FARP1: variants seen among roughly 807,000 people sequenced by gnomAD.
The protein encoded by FARP1 is FERM, ARH/RhoGEF and pleckstrin domain protein 1.
In FARP1, 52 loss-of-function variants were observed where a neutral mutation model predicts 128.8. The ratio of observed to expected loss-of-function variants is 0.40; its 90% CI spans 0.32 to 0.51. The LOEUF (loss-of-function observed/expected upper bound fraction) is 0.51. FARP1 is among the 20% of genes least tolerant of loss of function. The pLI, the probability that FARP1 is intolerant of heterozygous loss-of-function variation, is 0.45. For missense variants in FARP1, 1,333 were observed against 1,367.9 expected (o/e 0.97, Z 0.40); for synonymous variants, 580 against 551.8 (o/e 1.05, Z -0.72).
chr13:98,436,659 T>G (rs1333896087), intron 19 of FARP1, among the ~76,000 whole-genome samples: 1 of 152,216 alleles, frequency 6.6e-6, no homozygotes, highest in Admixed American at 6.5e-5. Context: ...ATTACAGAAC[T>G]GACCAGAAGC....
At chr13:98,364,092 A>T (rs1413133300) in intron 3 of FARP1, among the ~76,000 whole-genome samples, 1 of 152,230 alleles carries the variant, frequency 6.6e-6, no homozygotes, top group East Asian at 1.9e-4. Context: ...GATGTACATT[A>T]TTCTACTTAA....
intron 2 of FARP1, among the ~76,000 whole-genome samples, chr13:98,334,538 CATT>C (rs1566890782): frequency 6.6e-6 from 1 of 152,170 alleles, no homozygotes; most frequent in Admixed American, 6.5e-5. Context: ...TGAATTCTCA[CATT>C]AGTCTTAAAA....
At chr13:98,270,541 G>T (rs566748356) in intron 2 of FARP1, among the ~76,000 whole-genome samples, 1 of 152,262 alleles carries the variant, frequency 6.6e-6, no homozygotes, top group African/African-American at 2.4e-5. Flanking sequence ...TCCTGAGGAC[G>T]CAGCTCCCTT....
chr13:98,365,059 G>A lies in FARP1; in HGVS notation c.277-336G>A, dbSNP rs567631687. Among the ~76,000 whole-genome samples the A allele has an allele frequency of 5.3e-5, 8 of 152,176 alleles. No homozygotes were observed. The East Asian group carries it at 1.3e-3, about 26-fold the overall frequency. On this transcript the variant is annotated intron_variant, in intron 3 of 26. Coordinates refer to ENST00000319562, the MANE Select transcript of FARP1 (RefSeq NM_005766.4). ...AATAAGGAATGTACGTATTTCACTC[G>A]GCTGATAGTCACAAATGAAATCATT...
At chr13:98,414,313 C>G (rs1487558725) in intron 16 of FARP1, among the ~76,000 whole-genome samples, 1 of 152,142 alleles carries the variant, frequency 6.6e-6, no homozygotes, top group African/African-American at 2.4e-5. Context: ...GCAGCTCCAT[C>G]AGTGGGACCT....
intron 2 of FARP1, among the ~76,000 whole-genome samples, chr13:98,238,371 T>C (rs1395177073): frequency 2.0e-5 from 3 of 152,234 alleles, no homozygotes; most frequent in Non-Finnish European, 2.9e-5. Context: ...TAACATTTTC[T>C]TGTCTGTAGC....
chr13:98,379,978 A>G (rs1889828230), intron 6 of FARP1, among the ~76,000 whole-genome samples: 1 of 152,248 alleles, frequency 6.6e-6, no homozygotes, highest in African/African-American at 2.4e-5. Context: ...TTTCCAAACA[A>G]CATGAAACTT....
chr13:98,423,708 CATG>C (rs1891677735), intron 16 of FARP1, among the ~76,000 whole-genome samples: 1 of 152,176 alleles, frequency 6.6e-6, no homozygotes, highest in African/African-American at 2.4e-5. Flanking sequence ...TTCACTATAA[CATG>C]AGGGTGATAG....
intron 2 of FARP1, among the ~76,000 whole-genome samples, chr13:98,314,902 T>G (rs1886656288): frequency 1.3e-5 from 2 of 152,138 alleles, no homozygotes; most frequent in South Asian, 4.1e-4. Context: ...TTGTGTTTGC[T>G]TGGGACTCGG....
intron 1 of FARP1, among the ~76,000 whole-genome samples, chr13:98,209,157 C>T (rs1480793254): frequency 6.6e-6 from 1 of 152,046 alleles, no homozygotes; most frequent in Non-Finnish European, 1.5e-5. Flanking sequence ...TATAGGCGCC[C>T]ACCACCATGC....
rs774363097 is a variant in FARP1, at chr13:98,176,489, C to CT, written c.-24+32999dup. 2 of 1,614,098 alleles carry CT rather than the reference C, an allele frequency of 1.2e-6. No homozygotes were observed. The highest frequency in any genetic ancestry group is 2.7e-5 in the African/African-American group (2 of 74,936). On this transcript the variant is annotated intron_variant, in intron 1 of 26. Coordinates refer to ENST00000319562, the MANE Select transcript of FARP1 (RefSeq NM_005766.4). This position sits in a 1 kb window ranked among gnomAD's most constrained non-coding sequence, Gnocchi z 6.2. Reference sequence around the variant, plus strand: ...ATGAAACACCTGAATGGTATTTCCTCTTCCTCGCTTCCCACTTCATGGTTT... The same window carrying CT: ...ATGAAACACCTGAATGGTATTTCCTCTTTCCTCGCTTCCCACTTCATGGTTT...
intron 2 of FARP1, among the ~76,000 whole-genome samples, chr13:98,287,495 C>CT (rs1555334161): frequency 1.3e-5 from 2 of 151,688 alleles, no homozygotes; most frequent in African/African-American, 2.4e-5. Context: ...TCCCAAAGTG[C>CT]GGGATTACAG....
At chr13:98,224,589 T>C (rs1881643572) in intron 2 of FARP1, among the ~76,000 whole-genome samples, 1 of 150,488 alleles carries the variant, frequency 6.6e-6, no homozygotes, top group Admixed American at 6.6e-5. Flanking sequence ...GTTACTATCT[T>C]ACAGTGCTGG....
At chr13:98,418,553 G>A (rs531863728) in intron 16 of FARP1, among the ~76,000 whole-genome samples, 4 of 152,318 alleles carry the variant, frequency 2.6e-5, no homozygotes, top group East Asian at 1.9e-4. Context: ...GATTACAGGC[G>A]TTGAGCTTCC....
chr13:98,204,792 C>T (rs1880165290), intron 1 of FARP1, among the ~76,000 whole-genome samples: 1 of 152,046 alleles, frequency 6.6e-6, no homozygotes, highest in Non-Finnish European at 1.5e-5. Context: ...AGACTTTGTG[C>T]ATACTAACTG....
intron 2 of FARP1, among the ~76,000 whole-genome samples, chr13:98,316,242 G>A (rs1412398380): frequency 2.0e-5 from 3 of 152,102 alleles, no homozygotes; most frequent in African/African-American, 7.2e-5. Flanking sequence ...CTCAGATGTG[G>A]ACTCCCTAAA....
intron 1 of FARP1, among the ~76,000 whole-genome samples, chr13:98,185,108 A>G (rs1028204381): frequency 6.6e-6 from 1 of 152,244 alleles, no homozygotes; most frequent in African/African-American, 2.4e-5. Flanking sequence ...ACAATCACAG[A>G]TAGATAAAAG....
intron 19 of FARP1, among the ~76,000 whole-genome samples, chr13:98,437,029 A>G (rs778104540): frequency 6.6e-6 from 1 of 152,186 alleles, no homozygotes; most frequent in African/African-American, 2.4e-5. Flanking sequence ...GACCATGCAC[A>G]TGGAGACCAT....
intron 2 of FARP1, among the ~76,000 whole-genome samples, chr13:98,243,514 T>C (rs1361305739): frequency 1.3e-5 from 2 of 151,318 alleles, no homozygotes; most frequent in African/African-American, 4.9e-5. Flanking sequence ...GCCAAGATAG[T>C]GAAACCCTGT....
Sources: allele counts gnomAD v4.1 joint callset (sites outside exome capture counted in the v4.1 genomes callset), GRCh38; gene constraint gnomAD v4.1.1; non-coding constraint Gnocchi (gnomAD v3.1); transcripts MANE v1.5; gene names NCBI Gene and HGNC (gene_info 2026-07-23, HGNC 2026-07-21).